The following ABL2 variants were observed in gnomAD, a reference collection of about 807,000 sequenced individuals.
ABL2 encodes the protein tyrosine-protein kinase ABL2.
In ABL2, 49 loss-of-function variants were observed where a neutral mutation model predicts 107.7. The ratio of observed to expected loss-of-function variants is 0.45; its 90% CI spans 0.36 to 0.58. ABL2 has a LOEUF of 0.58. Among genes scored for constraint, ABL2 ranks in the 20% least tolerant of loss-of-function variants. ABL2 has a pLI of 0.00. For missense variants in ABL2, 1,245 were observed against 1,457.0 expected (o/e 0.85, Z 2.37); for synonymous variants, 549 against 548.6 (o/e 1.00, Z -0.01).
intron 1 of ABL2, among the ~76,000 whole-genome samples, chr1:179,173,781 T>C (rs1455247532): frequency 6.6e-6 from 1 of 152,186 alleles, no homozygotes; most frequent in Non-Finnish European, 1.5e-5. Flanking sequence ...TTGGACATAT[T>C]ATTAAGTATT....
intron 8 of ABL2, 21 bp downstream of exon 8, chr1:179,117,311 A>G (rs754816631): frequency 6.2e-7 from 1 of 1,611,630 alleles, no homozygotes; most frequent in Non-Finnish European, 8.5e-7. Flanking sequence ...TGACACAGAA[A>G]AAAGTCCCTT....
At chr1:179,136,081 A>T (rs1451578968) in intron 1 of ABL2, among the ~76,000 whole-genome samples, 10 of 118,794 alleles carry the variant, frequency 8.4e-5, no homozygotes, top group Non-Finnish European at 1.4e-4. Flanking sequence ...TCCAGGAGGG[A>T]GGTGGGGGGG....
At chr1:179,195,410 C>T (rs12136913) in intron 1 of ABL2, among the ~76,000 whole-genome samples, 7,698 of 152,232 alleles carry the variant, frequency 0.051, 230 homozygotes, top group Middle Eastern at 0.095. Context: ...GAAACTAGAA[C>T]CCTTGTGCAT....
chr1:179,103,754 T>C lies in ABL2; in HGVS notation c.*3964A>G, dbSNP rs1653292830. On this transcript the variant is annotated 3_prime_UTR_variant, in exon 12 of 12. Transcript: ENST00000502732. Reference sequence around the variant, plus strand: ...GTCGGTCTGAGCCACTTTTTTGCAGTGTCTCACATGGCAGCAGGTATGGTG... The same window carrying C: ...GTCGGTCTGAGCCACTTTTTTGCAGCGTCTCACATGGCAGCAGGTATGGTG... The C allele has an allele frequency of 1.7e-5, 4 of 229,414 alleles. No individual in the cohort carries two copies. The South Asian group carries it at 7.3e-4, about 42-fold the overall frequency. The allele number at this position is 229,414 out of a possible 1,614,324, so 14.2% of individuals were successfully genotyped here.
intron 1 of ABL2, among the ~76,000 whole-genome samples, chr1:179,154,419 T>C (rs1658554854): frequency 6.6e-6 from 1 of 152,214 alleles, no homozygotes; most frequent in Non-Finnish European, 1.5e-5. Context: ...CTCAAGGAAA[T>C]AGAGGACTTG....
At chr1:179,153,558 A>G (rs1658496225) in intron 1 of ABL2, among the ~76,000 whole-genome samples, 1 of 152,186 alleles carries the variant, frequency 6.6e-6, no homozygotes, top group Non-Finnish European at 1.5e-5. Context: ...TTCCAGGTTC[A>G]CATTGCCTTC....
At chr1:179,166,365 C>A in intron 1 of ABL2, among the ~76,000 whole-genome samples, 1 of 138,160 alleles carries the variant, frequency 7.2e-6, no homozygotes. Flanking sequence ...AACTAATACT[C>A]AGAATATACA....
At chr1:179,120,713 C>T (rs576988489) in intron 5 of ABL2, among the ~76,000 whole-genome samples, 2 of 152,288 alleles carry the variant, frequency 1.3e-5, no homozygotes, top group South Asian at 4.1e-4. Context: ...GCCACCACGC[C>T]CAGCTGAAAT....
At chr1:179,153,333 A>G (rs895389268) in intron 1 of ABL2, among the ~76,000 whole-genome samples, 2 of 152,044 alleles carry the variant, frequency 1.3e-5, no homozygotes, top group Admixed American at 1.3e-4. Flanking sequence ...TGCTATAACC[A>G]TATACTAGAT....
chr1:179,168,266 A>G (rs1383048722), intron 1 of ABL2, among the ~76,000 whole-genome samples: 2 of 152,222 alleles, frequency 1.3e-5, no homozygotes, highest in African/African-American at 4.8e-5. Flanking sequence ...ATAAAATAGC[A>G]TGGTATTTGC....
rs867822552 is a variant in ABL2 at position 179,117,953 on chromosome 1, C to A, written c.1224-437G>T. On this transcript the variant is annotated intron_variant, in intron 7 of 11. Transcript: ENST00000502732. ...GGGCAACATGGCGAAACCCAGTCTA[C>A]AAAAAAAAAACAAAAAACAAAACAA... Among the ~76,000 whole-genome samples, 843 of 126,750 alleles carry A rather than the reference C, an allele frequency of 6.7e-3. 8 individuals carry two copies. The highest frequency in any genetic ancestry group is 0.023 in the African/African-American group (775 of 34,296). 83.2% of individuals were successfully genotyped at this position (126,750 alleles called of 152,430 possible).
intron 1 of ABL2, among the ~76,000 whole-genome samples, chr1:179,207,402 T>G (rs1049280092): frequency 6.6e-6 from 1 of 152,202 alleles, no homozygotes; most frequent in African/African-American, 2.4e-5. Context: ...AGAACAAGCC[T>G]GATACAATAT....
Position 179,118,766 on chromosome 1 carries a change from TAA to T in ABL2, c.1046-4_1046-3del. ...ATGGTGGCTCCAAAGTACACACACCTAAAAGTTGAACAATAGTGCTTGTTTTT... is the reference window on the plus strand; with the variant it reads ...ATGGTGGCTCCAAAGTACACACACCTAAGTTGAACAATAGTGCTTGTTTTT... On this transcript the variant is annotated splice_polypyrimidine_tract_variant and splice_region_variant and intron_variant, in intron 6 of 11. Coordinates refer to ENST00000502732, the MANE Select transcript of ABL2 (RefSeq NM_007314.4). The T allele has an allele frequency of 1.2e-6, 2 of 1,613,358 alleles. No homozygotes were observed. Among genetic ancestry groups the T allele is most frequent in the Non-Finnish European group, 1.7e-6 (2 of 1,179,638 alleles).
At chr1:179,111,993 T>C (rs1479532377) in intron 10 of ABL2, among the ~76,000 whole-genome samples, 1 of 151,602 alleles carries the variant, frequency 6.6e-6, no homozygotes, top group Non-Finnish European at 1.5e-5. Flanking sequence ...TGCAGTGAGC[T>C]GACATCGCAC....
intron 1 of ABL2, among the ~76,000 whole-genome samples, chr1:179,174,799 G>A (rs563238015): frequency 2.0e-5 from 3 of 150,504 alleles, no homozygotes; most frequent in East Asian, 2.0e-4. Flanking sequence ...GAAGGCTGAC[G>A]CAGGAGAATC....
Position 179,108,674 on chromosome 1 carries a change from G to C in ABL2, c.2593C>G (p.Pro865Ala). The C allele has an allele frequency of 6.2e-7, 1 of 1,614,186 alleles. No homozygotes were observed. Among genetic ancestry groups the C allele is most frequent in the Non-Finnish European group, 8.5e-7 (1 of 1,180,020 alleles). Residue 865 changes from proline to alanine, a missense_variant, in exon 12 of 12, where the codon CCC becomes GCC. Physicochemically the swap from Pro to Ala is conservative, Grantham distance 27. Coordinates refer to ENST00000502732, the MANE Select transcript of ABL2 (RefSeq NM_007314.4). ...RGATALPLRT[P>A]SGDLAITEKD... ...TCTGTAATGGCTAGATCCCCAGAGG[G>C]TGTTCTGAGAGGAAGAGCTGTGGCT...
chr1:179,168,503 A>G (rs1659524106), intron 1 of ABL2, among the ~76,000 whole-genome samples: 1 of 152,206 alleles, frequency 6.6e-6, no homozygotes, highest in South Asian at 2.1e-4. Flanking sequence ...GACTGTATTT[A>G]TAACACAACA....
chr1:179,217,920 G>A (rs1662663654), intron 1 of ABL2, among the ~76,000 whole-genome samples: 1 of 152,020 alleles, frequency 6.6e-6, no homozygotes, highest in African/African-American at 2.4e-5. Flanking sequence ...TATTCTAAAA[G>A]GTAACTAGGC....
At chr1:179,218,193 T>A (rs1213100645) in intron 1 of ABL2, among the ~76,000 whole-genome samples, 2 of 47,976 alleles carry the variant, frequency 4.2e-5, no homozygotes, top group Non-Finnish European at 1.0e-4. Context: ...TAACTCCAGA[T>A]TTTTTTCAAA....
Sources: gnomAD v4.1 joint callset for allele counts (sites outside exome capture counted in the v4.1 genomes callset) on GRCh38, gnomAD v4.1.1 for gene constraint, MANE v1.5 for transcripts, NCBI Gene and HGNC (gene_info 2026-07-23, HGNC 2026-07-21) for gene names.